RAB3GAP1: variants seen among roughly 807,000 people sequenced by gnomAD.
RAB3GAP1 encodes rab3 GTPase-activating protein catalytic subunit.
In RAB3GAP1, 86 loss-of-function variants were observed where a neutral mutation model predicts 130.7. That is an observed-to-expected ratio of 0.66 (90% CI 0.55 to 0.79). The LOEUF (loss-of-function observed/expected upper bound fraction) is 0.79, where lower values mean the gene tolerates loss of function less well. RAB3GAP1 is among the 30% of genes least tolerant of loss of function. The pLI is 0.00. For synonymous variants in RAB3GAP1, 367 were observed against 401.7 expected, an observed-to-expected ratio of 0.91 and a Z score of 1.03; for missense variants, 1,029 against 1,169.4, an observed-to-expected ratio of 0.88 and a Z score of 1.75.
At chr2:135,146,199 CTTTT>C (rs1173567563) in intron 17 of RAB3GAP1, among the ~76,000 whole-genome samples, 4 of 96,586 alleles carry the variant, frequency 4.1e-5, no homozygotes, top group Non-Finnish European at 6.3e-5. Context: ...CATATTTGTT[CTTTT>C]TTTTTTTTTT....
At chr2:135,072,722 C>T (rs1178290048) in intron 3 of RAB3GAP1, among the ~76,000 whole-genome samples, 1 of 152,126 alleles carries the variant, frequency 6.6e-6, no homozygotes, top group South Asian at 2.1e-4. Flanking sequence ...CATACAAGAT[C>T]CTTTCTCATA....
intron 9 of RAB3GAP1, 61 bp downstream of exon 9, chr2:135,124,307 A>G: frequency 1.4e-6 from 2 of 1,466,514 alleles, no homozygotes; most frequent in Admixed American, 1.7e-5. Context: ...TTATATTGAT[A>G]TTGATTTCAC....
At chr2:135,120,662 C>G (rs534397811) in intron 7 of RAB3GAP1, among the ~76,000 whole-genome samples, 157 bp from the exon 8 acceptor site, 1 of 152,160 alleles carries the variant, frequency 6.6e-6, no homozygotes, top group Non-Finnish European at 1.5e-5. Flanking sequence ...TTTTTAATAA[C>G]TAGAATATGC....
rs769871341 is a variant in RAB3GAP1, at chr2:135,124,167, A to C, written c.751A>C (p.Ile251Leu). ...QYFWPQQPPD[I>L]DALVGGEVGG... Reference sequence around the variant, plus strand: ...GGAAAAATATTTCTTTTGTTTAGACATAGATGCCCTTGTAGGAGGAGAAGT... The same window carrying C: ...GGAAAAATATTTCTTTTGTTTAGACCTAGATGCCCTTGTAGGAGGAGAAGT... Residue 251 changes from isoleucine (I) to leucine (L), a missense_variant and splice_region_variant, in exon 9 of 24, where the codon ATA (isoleucine) becomes CTA (leucine). Physicochemically the swap from Ile to Leu is conservative, Grantham distance 5. Coordinates refer to ENST00000264158, the MANE Select transcript of RAB3GAP1 (RefSeq NM_012233.3). 3.7e-6 allele frequency: 6 copies of C among 1,613,648 alleles called. No individual in the cohort carries two copies. Among genetic ancestry groups the C allele is most frequent in the Admixed American group, 1.7e-5 (1 of 60,004 alleles).
rs1692793959 is a variant in RAB3GAP1, at chr2:135,169,820, T to C, written c.*1039T>C. The C allele has an allele frequency of 2.2e-6, 1 of 453,176 alleles. No homozygotes were observed. Among genetic ancestry groups the C allele is most frequent in the East Asian group, 7.0e-5 (1 of 14,262 alleles). 28.1% of individuals were successfully genotyped at this position (453,176 alleles called of 1,614,324 possible). On this transcript the variant is annotated 3_prime_UTR_variant, in exon 24 of 24. Coordinates refer to ENST00000264158, the MANE Select transcript of RAB3GAP1 (RefSeq NM_012233.3). ...GTTTCATGGAGCTCAAGATGTCTTG[T>C]GTCTGTGTGGCTAGATGGCCTCTGC...
At chr2:135,170,898 GA>G, downstream of RAB3GAP1, among the ~76,000 whole-genome samples, 1 of 152,070 alleles carries the variant, frequency 6.6e-6, no homozygotes, top group African/African-American at 2.4e-5. Context: ...TTTTCATTGT[GA>G]AGTGCTTTAT....
intron 19 of RAB3GAP1, among the ~76,000 whole-genome samples, chr2:135,159,440 C>T (rs1029578221): frequency 6.6e-6 from 1 of 152,132 alleles, no homozygotes; most frequent in Admixed American, 6.5e-5. Flanking sequence ...GGTCTTCCTC[C>T]CAGAAATACA....
chr2:135,146,604 A>G (rs1195293891), intron 17 of RAB3GAP1, among the ~76,000 whole-genome samples: 1 of 152,180 alleles, frequency 6.6e-6, no homozygotes, highest in African/African-American at 2.4e-5. Flanking sequence ...GCAGAACTGG[A>G]TTAATATCCT....
intron 7 of RAB3GAP1, among the ~76,000 whole-genome samples, chr2:135,117,579 T>TCTGCTTCTTCTTCTG (rs1691035107): frequency 2.2e-5 from 3 of 138,052 alleles, no homozygotes; most frequent in Non-Finnish European, 3.1e-5. Context: ...TGCTTCTTCT[T>TCTGCTTCTTCTTCTG]CTGCTTCTTC....
intron 3 of RAB3GAP1, among the ~76,000 whole-genome samples, chr2:135,065,967 G>A (rs1317491391): frequency 6.6e-6 from 1 of 151,770 alleles, no homozygotes; most frequent in Non-Finnish European, 1.5e-5. Context: ...TAGAGATGAG[G>A]TTTCACCATG....
chr2:135,073,882 T>C (rs1689547467), intron 3 of RAB3GAP1, among the ~76,000 whole-genome samples: 1 of 152,096 alleles, frequency 6.6e-6, no homozygotes, highest in Non-Finnish European at 1.5e-5. Flanking sequence ...GATGGGACCG[T>C]AAAAAACGTC....
intron 3 of RAB3GAP1, among the ~76,000 whole-genome samples, chr2:135,089,336 C>G (rs1266164651): frequency 1.3e-5 from 2 of 152,020 alleles, no homozygotes; most frequent in East Asian, 3.8e-4. Context: ...ATACCTCCAG[C>G]TTTGTTCTTT....
In RAB3GAP1 at chr2:135,169,126, C is replaced by T. The variant is rs375006650; in HGVS notation, c.*345C>T. 1.3e-5 allele frequency: 5 copies of T among 387,480 alleles called. No homozygotes were observed. Among genetic ancestry groups the T allele is most frequent in the South Asian group, 1.1e-4 (5 of 44,962 alleles). 24.0% of individuals were successfully genotyped at this position (387,480 alleles called of 1,614,324 possible). A position where few individuals can be genotyped will look rare whatever the true frequency, so the allele number is the denominator to read the frequency against. On this transcript the variant is annotated 3_prime_UTR_variant, in exon 24 of 24. Transcript: ENST00000264158. ...CTTCTGTGACCAGCCTCTAGGCTAG[C>T]GGCTGCATTCGTGGTCTGTGCAAAC...
chr2:135,079,865 C>T (rs1689738181), intron 3 of RAB3GAP1, among the ~76,000 whole-genome samples: 1 of 152,286 alleles, frequency 6.6e-6, no homozygotes, highest in African/African-American at 2.4e-5. Flanking sequence ...CGCGGTGGCT[C>T]ACGCCTGTAA....
At chr2:135,055,026 C>T (rs976011984) in intron 2 of RAB3GAP1, among the ~76,000 whole-genome samples, 6 of 152,150 alleles carry the variant, frequency 3.9e-5, no homozygotes, top group African/African-American at 1.4e-4. Flanking sequence ...ATTGAATCCC[C>T]ATATGTCAAG....
chr2:135,120,923 G>C lies in RAB3GAP1; in HGVS notation c.748+5G>C. The C allele has an allele frequency of 1.3e-6, 2 of 1,546,496 alleles. No homozygotes were observed. The highest frequency in any genetic ancestry group is 1.8e-6 in the Non-Finnish European group (2 of 1,118,658). ...TTTGGCCTCAGCAACCTCCAGGTGA[G>C]ATCATTTAGAACTATATTTAACTTA... On this transcript the variant is annotated splice_donor_5th_base_variant and intron_variant, in intron 8 of 23. Coordinates refer to ENST00000264158, the MANE Select transcript of RAB3GAP1 (RefSeq NM_012233.3).
intron 17 of RAB3GAP1, 127 bp downstream of exon 17, chr2:135,136,059 C>T (rs1051486883): frequency 3.1e-6 from 4 of 1,280,080 alleles, no homozygotes; most frequent in Non-Finnish European, 4.5e-6. Flanking sequence ...GATGCGGTGG[C>T]TTACGCCTGT....
chr2:135,095,278 G>C (rs1690260195), intron 5 of RAB3GAP1, among the ~76,000 whole-genome samples: 1 of 152,170 alleles, frequency 6.6e-6, no homozygotes, highest in Non-Finnish European at 1.5e-5. Context: ...TCGATCTCCT[G>C]ACCTCGTGAT....
At chr2:135,159,403 G>T (rs569608952) in intron 19 of RAB3GAP1, among the ~76,000 whole-genome samples, 2 of 152,342 alleles carry the variant, frequency 1.3e-5, no homozygotes, top group Admixed American at 6.5e-5. Context: ...CTGACATGAT[G>T]TGATGACAGT....
Sources: allele counts gnomAD v4.1 joint callset (sites outside exome capture counted in the v4.1 genomes callset), GRCh38; gene constraint gnomAD v4.1.1; transcripts MANE v1.5; gene names NCBI Gene and HGNC (gene_info 2026-07-23, HGNC 2026-07-21).